FUT9: variants seen among roughly 807,000 people sequenced by gnomAD.
FUT9 encodes fucosyltransferase 9.
FUT9 carries 15 observed loss-of-function variants against 29.7 expected under a neutral mutation model. The ratio of observed to expected loss-of-function variants is 0.51; its 90% confidence interval spans 0.34 to 0.78. The LOEUF (loss-of-function observed/expected upper bound fraction) is 0.78, where lower values mean the gene tolerates loss of function less well. Ranked by LOEUF, FUT9 falls within the 30% of genes least tolerant of loss-of-function variation. The pLI is 0.01. For synonymous variants in FUT9, 169 were observed against 153.7 expected, an observed-to-expected ratio of 1.10 and a Z score of -0.74; for missense variants, 319 against 425.4, an observed-to-expected ratio of 0.75 and a Z score of 2.20.
At chr6:96,139,138 TG>T (rs1360195857) in intron 2 of FUT9, among the ~76,000 whole-genome samples, 2 of 152,028 alleles carry the variant, frequency 1.3e-5, no homozygotes, top group South Asian at 2.1e-4. Flanking sequence ...CTAGATAAAA[TG>T]GGGGTACAGG....
intron 1 of FUT9, among the ~76,000 whole-genome samples, chr6:96,103,798 T>C (rs941692328): frequency 5.3e-5 from 8 of 152,316 alleles, no homozygotes; most frequent in African/African-American, 1.9e-4. Context: ...TGGATGAAAA[T>C]TGTATAAATA....
At chr6:96,116,195 G>A (rs1771907901) in intron 2 of FUT9, among the ~76,000 whole-genome samples, 1 of 152,084 alleles carries the variant, frequency 6.6e-6, no homozygotes, top group South Asian at 2.1e-4. Context: ...TGTTCACTAA[G>A]GAGATACAAA....
intron 1 of FUT9, chr6:96,037,588 C>T (rs1349430982): frequency 6.6e-6 from 1 of 151,554 alleles, no homozygotes; most frequent in Non-Finnish European, 1.5e-5. Flanking sequence ...GAAAAAGGGG[C>T]AGCAAAAATG....
intron 2 of FUT9, among the ~76,000 whole-genome samples, chr6:96,184,412 T>A (rs977857319): frequency 2.0e-5 from 3 of 152,186 alleles, no homozygotes; most frequent in African/African-American, 7.2e-5. Flanking sequence ...GTTTTATATA[T>A]CTTTTGTTTT....
chr6:96,100,290 A>G (rs558178365), intron 1 of FUT9, among the ~76,000 whole-genome samples: 2 of 151,548 alleles, frequency 1.3e-5, no homozygotes, highest in East Asian at 3.9e-4. Context: ...TAATATTTAA[A>G]ATGCTGTTCT....
At chr6:96,156,561 C>G (rs1772788776) in intron 2 of FUT9, among the ~76,000 whole-genome samples, 1 of 152,112 alleles carries the variant, frequency 6.6e-6, no homozygotes, top group Admixed American at 6.6e-5. Context: ...GGCATAAATT[C>G]CAGGTGGCTC....
In FUT9 at chr6:96,094,052, T is replaced by C. The variant is rs576328679; in HGVS notation, c.-97-19987T>C. Among the ~76,000 whole-genome samples the C allele has an allele frequency of 2.0e-5, 3 of 152,304 alleles. No individual in the cohort carries two copies. The South Asian group carries it at 6.2e-4, about 32-fold the overall frequency. On this transcript the variant is annotated intron_variant, in intron 1 of 2. Coordinates refer to ENST00000302103, the MANE Select transcript of FUT9 (RefSeq NM_006581.4). Reference sequence around the variant, plus strand: ...AGTGTTTCTTCAAATTTGATGCTGCTCTGTGAAAGATTCCAAAATCAAACA... The same window carrying C: ...AGTGTTTCTTCAAATTTGATGCTGCCCTGTGAAAGATTCCAAAATCAAACA...
chr6:96,107,701 G>A (rs1015739506), intron 1 of FUT9, among the ~76,000 whole-genome samples: 2 of 152,154 alleles, frequency 1.3e-5, no homozygotes, highest in African/African-American at 4.8e-5. Flanking sequence ...ATTGATGTTT[G>A]TCAATGGTCC....
chr6:96,139,900 A>C (rs1265352513), intron 2 of FUT9, among the ~76,000 whole-genome samples: 2 of 152,040 alleles, frequency 1.3e-5, no homozygotes, highest in Non-Finnish European at 2.9e-5. Context: ...CCCTGAAGAC[A>C]TTTTGTCCAT....
chr6:96,053,716 A>T (rs1239509424), intron 1 of FUT9, among the ~76,000 whole-genome samples: 1 of 152,142 alleles, frequency 6.6e-6, no homozygotes, highest in Non-Finnish European at 1.5e-5. Context: ...CTCTAAATAA[A>T]TAAATAAATT....
At chr6:96,047,081 C>T (rs1023688691) in intron 1 of FUT9, among the ~76,000 whole-genome samples, 29 of 152,156 alleles carry the variant, frequency 1.9e-4, no homozygotes, top group African/African-American at 6.8e-4. Flanking sequence ...CAGAGCAGAA[C>T]CCAAGTTTTA....
In FUT9 at chr6:96,070,411, A is replaced by C. The variant is rs533066774; in HGVS notation, c.-97-43628A>C. Among the ~76,000 whole-genome samples the C allele has an allele frequency of 9.2e-5, 14 of 152,274 alleles. No individual in the cohort carries two copies. The East Asian group carries it at 1.5e-3, about 17-fold the overall frequency. On this transcript the variant is annotated intron_variant, in intron 1 of 2. Coordinates refer to ENST00000302103, the MANE Select transcript of FUT9 (RefSeq NM_006581.4). ...ATTATGTAATACTATACAAGCCTTA[A>C]AATTGTAATTATGCCTGTAATTCCA...
chr6:96,138,265 T>C (rs2058079624), intron 2 of FUT9, among the ~76,000 whole-genome samples: 2 of 152,314 alleles, frequency 1.3e-5, no homozygotes, highest in Admixed American at 6.5e-5. Context: ...GAATTGTAAG[T>C]CTTTGGATGA....
intron 1 of FUT9, among the ~76,000 whole-genome samples, chr6:96,054,516 G>T (rs972100867): frequency 6.6e-6 from 1 of 152,054 alleles, no homozygotes; most frequent in Non-Finnish European, 1.5e-5. Flanking sequence ...AAATCCTTCT[G>T]CACTTAAAGG....
chr6:96,086,277 T>C (rs752541442), intron 1 of FUT9, among the ~76,000 whole-genome samples: 5 of 152,228 alleles, frequency 3.3e-5, no homozygotes, highest in Non-Finnish European at 7.3e-5. Context: ...CGTTTGCATT[T>C]ATATCCACAT....
intron 2 of FUT9, among the ~76,000 whole-genome samples, chr6:96,124,341 A>G (rs1299011219): frequency 1.3e-5 from 2 of 151,566 alleles, no homozygotes; most frequent in South Asian, 2.1e-4. Flanking sequence ...TAGTAGAGAC[A>G]GGGTTTCACC....
chr6:96,133,264 A>G (rs190940782), intron 2 of FUT9, among the ~76,000 whole-genome samples: 2 of 152,134 alleles, frequency 1.3e-5, no homozygotes, highest in African/African-American at 2.4e-5. Context: ...AAGGAAAAAA[A>G]TAGCCCTAGA....
At chr6:96,191,546 C>T (rs1198648052) in intron 2 of FUT9, among the ~76,000 whole-genome samples, 1 of 152,074 alleles carries the variant, frequency 6.6e-6, no homozygotes, top group Non-Finnish European at 1.5e-5. Context: ...AGTGGAATAC[C>T]TGAATAGACC....
chr6:96,054,798 A>C (rs1359096257), intron 1 of FUT9, among the ~76,000 whole-genome samples: 1 of 152,212 alleles, frequency 6.6e-6, no homozygotes, highest in East Asian at 1.9e-4. Context: ...AGAAAAAAAT[A>C]GTGCATATAT....
Sources: allele counts gnomAD v4.1 joint callset (sites outside exome capture counted in the v4.1 genomes callset), GRCh38; gene constraint gnomAD v4.1.1; transcripts MANE v1.5; gene names NCBI Gene and HGNC (gene_info 2026-07-23, HGNC 2026-07-21).